DPYD: variants seen among roughly 807,000 people sequenced by gnomAD.
DPYD encodes dihydropyrimidine dehydrogenase [NADP(+)].
In DPYD, 109 loss-of-function variants were observed where a neutral mutation model predicts 116.2. The ratio of observed to expected loss-of-function variants is 0.94; its 90% confidence interval spans 0.80 to 1.10. DPYD has a LOEUF of 1.10. Ranked by LOEUF, DPYD falls within the 50% of genes least tolerant of loss-of-function variation. The pLI is 0.00. For missense variants in DPYD, 1,302 were observed against 1,254.5 expected (o/e 1.04, Z -0.57); for synonymous variants, 440 against 432.0 (o/e 1.02, Z -0.23).
chr1:97,720,974 C>T (rs897106292), intron 5 of DPYD: 1 of 1,591,476 alleles, frequency 6.3e-7, no homozygotes, highest in Non-Finnish European at 8.5e-7. Flanking sequence ...TTTCCTTATA[C>T]ATTTTTTACC....
intron 10 of DPYD, among the ~76,000 whole-genome samples, chr1:97,575,873 G>A (rs1046722374): frequency 6.6e-6 from 1 of 152,112 alleles, no homozygotes; most frequent in Non-Finnish European, 1.5e-5. Flanking sequence ...TTAGCATATA[G>A]AAGGCTATGT....
intron 18 of DPYD, among the ~76,000 whole-genome samples, chr1:97,236,231 A>G (rs1661917641): frequency 6.6e-6 from 1 of 152,144 alleles, no homozygotes; most frequent in South Asian, 2.1e-4. Flanking sequence ...GGGCTTCACA[A>G]ACAACATAAA....
At chr1:97,450,257 T>C in intron 13 of DPYD, 34 bp from the exon 14 acceptor site, 1 of 1,611,052 alleles carries the variant, frequency 6.2e-7, no homozygotes, top group East Asian at 2.2e-5. Context: ...AGTCTCCTTT[T>C]GACAAAGAAA....
chr1:97,902,145 T>A (rs888716241), intron 1 of DPYD, among the ~76,000 whole-genome samples: 1 of 151,854 alleles, frequency 6.6e-6, no homozygotes, highest in Middle Eastern at 3.4e-3. Context: ...ATAAATTGAA[T>A]TGTATCTCCT....
intron 13 of DPYD, 117 bp downstream of exon 13, chr1:97,515,609 C>T (rs1648159215): frequency 2.2e-6 from 2 of 906,510 alleles, no homozygotes; most frequent in Non-Finnish European, 3.4e-6. Flanking sequence ...AATGATAGGT[C>T]TTGTCAAATA....
At position 97,370,159 on chromosome 1, in the gene DPYD, A is replaced by G. The variant is rs1671244292; in HGVS notation, c.2058+3402T>C. ...ACCCAGTAATAGGATTGCTGGGTCA[A>G]ATGGTATTTCTGGTTCTAGATCCTT... On this transcript the variant is annotated intron_variant, in intron 16 of 22. Coordinates refer to ENST00000370192, the MANE Select transcript of DPYD (RefSeq NM_000110.4). Among the ~76,000 whole-genome samples, 10 of 152,130 alleles carry G rather than the reference A, an allele frequency of 6.6e-5. No individual in the cohort carries two copies. The South Asian group carries it at 2.1e-3, about 32-fold the overall frequency.
At chr1:97,271,097 CA>C (rs1337427074) in intron 18 of DPYD, among the ~76,000 whole-genome samples, 1 of 152,112 alleles carries the variant, frequency 6.6e-6, no homozygotes, top group African/African-American at 2.4e-5. Flanking sequence ...GGTTTGTTGG[CA>C]CATTGAAGGA....
chr1:97,362,169 CAG>C (rs1463250374), intron 16 of DPYD, among the ~76,000 whole-genome samples: 1 of 152,152 alleles, frequency 6.6e-6, no homozygotes, highest in African/African-American at 2.4e-5. Context: ...AACGGACAAA[CAG>C]AGAGCCAAAT....
intron 8 of DPYD, among the ~76,000 whole-genome samples, chr1:97,595,975 T>C (rs1395990853): frequency 1.3e-5 from 2 of 152,050 alleles, no homozygotes; most frequent in African/African-American, 4.8e-5. Context: ...TCAGTGGAAA[T>C]ATACATTGGT....
chr1:97,783,563 T>A (rs902004967), intron 3 of DPYD, among the ~76,000 whole-genome samples: 3 of 151,880 alleles, frequency 2.0e-5, no homozygotes, highest in Admixed American at 1.3e-4. Context: ...CCCAGCTAAT[T>A]ATTGTGTTTT....
intron 8 of DPYD, among the ~76,000 whole-genome samples, chr1:97,617,960 T>G (rs938837288): frequency 6.6e-6 from 1 of 152,194 alleles, no homozygotes; most frequent in African/African-American, 2.4e-5. Context: ...AGTTTGCCAC[T>G]TGGGTCCCCA....
intron 2 of DPYD, among the ~76,000 whole-genome samples, chr1:97,879,771 A>G (rs1392570272): frequency 1.3e-5 from 2 of 151,904 alleles, no homozygotes; most frequent in African/African-American, 4.8e-5. Context: ...ATTAAACAAA[A>G]TTTGTATCTA....
At chr1:97,721,331 A>G (rs1445137812) in intron 5 of DPYD, among the ~76,000 whole-genome samples, 179 bp downstream of exon 5, 2 of 151,872 alleles carry the variant, frequency 1.3e-5, no homozygotes, top group Non-Finnish European at 3.0e-5. Context: ...GGTTTTATAC[A>G]CTTCCTTTTT....
At chr1:97,845,149 G>T (rs1003376031) in intron 2 of DPYD, among the ~76,000 whole-genome samples, 2 of 152,182 alleles carry the variant, frequency 1.3e-5, no homozygotes, top group Admixed American at 1.3e-4. Flanking sequence ...GCATGGAAAG[G>T]GGCGGGTCCC....
chr1:97,547,585 T>G (rs1650996498), intron 12 of DPYD, among the ~76,000 whole-genome samples: 1 of 152,138 alleles, frequency 6.6e-6, no homozygotes, highest in Non-Finnish European at 1.5e-5. Context: ...AATTTTAGAT[T>G]TGGCATCTCC....
At chr1:97,189,280 G>C (rs1387402325) in intron 20 of DPYD, among the ~76,000 whole-genome samples, 1 of 152,152 alleles carries the variant, frequency 6.6e-6, no homozygotes, top group Non-Finnish European at 1.5e-5. Flanking sequence ...TATAGCAAAG[G>C]TCAGGGAATA....
rs550970294 is a variant in DPYD, at chr1:97,641,444, T to G, written c.850+37651A>C. ...ACTTCTACTCCTGATATTTTCCAGTTCCGCTTTCATTTCCTACATAATCCA... is the reference window on the plus strand; with the variant it reads ...ACTTCTACTCCTGATATTTTCCAGTGCCGCTTTCATTTCCTACATAATCCA... On this transcript the variant is annotated intron_variant, in intron 8 of 22. Coordinates refer to ENST00000370192, the MANE Select transcript of DPYD (RefSeq NM_000110.4). Among the ~76,000 whole-genome samples the G allele has an allele frequency of 5.3e-5, 8 of 152,186 alleles. No individual in the cohort carries two copies. In the South Asian group the frequency reaches 8.3e-4, roughly 16 times the overall value.
chr1:97,661,040 T>C (rs1395196897), intron 8 of DPYD, among the ~76,000 whole-genome samples: 2 of 152,168 alleles, frequency 1.3e-5, no homozygotes, highest in African/African-American at 2.4e-5. Context: ...TACCTCTCCA[T>C]AATTATTGTA....
intron 13 of DPYD, among the ~76,000 whole-genome samples, chr1:97,492,435 T>C: frequency 6.6e-6 from 1 of 152,166 alleles, no homozygotes; most frequent in East Asian, 1.9e-4. Context: ...CTCTACTCCC[T>C]ATTCACATAA....
Sources: allele counts gnomAD v4.1 joint callset (sites outside exome capture counted in the v4.1 genomes callset), GRCh38; gene constraint gnomAD v4.1.1; transcripts MANE v1.5; gene names NCBI Gene and HGNC (gene_info 2026-07-23, HGNC 2026-07-21).